Variants in CPQ observed in about 807,000 individuals in gnomAD.
CPQ encodes Ser-Met dipeptidase.
A neutral mutation model predicts 45.7 loss-of-function variants in CPQ; 37 were observed. The ratio of observed to expected loss-of-function variants is 0.81; its 90% CI spans 0.62 to 1.07. The LOEUF (loss-of-function observed/expected upper bound fraction) is 1.07, where lower values mean the gene tolerates loss of function less well. Among genes scored for constraint, CPQ ranks in the 50% least tolerant of loss-of-function variants. The probability of loss-of-function intolerance (pLI) is 0.00; values close to 1 mark genes in which losing one functional copy is unlikely to be tolerated. For missense variants in CPQ, 537 were observed against 572.9 expected, an observed-to-expected ratio of 0.94 and a Z score of 0.64; for synonymous variants, 186 against 205.8, an observed-to-expected ratio of 0.90 and a Z score of 0.82.
intron 7 of CPQ, among the ~76,000 whole-genome samples, chr8:97,104,462 T>C (rs1344518672): frequency 1.3e-5 from 2 of 152,176 alleles, no homozygotes; most frequent in Non-Finnish European, 2.9e-5. Context: ...TGATGAAGTT[T>C]TGAGGTAAGA....
chr8:97,040,798 A>G (rs932997226), intron 6 of CPQ, among the ~76,000 whole-genome samples: 2 of 152,148 alleles, frequency 1.3e-5, no homozygotes, highest in African/African-American at 4.8e-5. Context: ...AGTTGAAGAT[A>G]CGTGGCATTA....
chr8:96,706,520 T>C (rs1017033501), intron 1 of CPQ, among the ~76,000 whole-genome samples: 5 of 152,130 alleles, frequency 3.3e-5, no homozygotes, highest in South Asian at 4.1e-4. Context: ...TCAGCGAATT[T>C]CACTGATTTC....
intron 5 of CPQ, among the ~76,000 whole-genome samples, chr8:96,994,824 A>G (rs1809151413): frequency 6.6e-6 from 1 of 152,054 alleles, no homozygotes. Context: ...ACATCGACCT[A>G]TTAATAACAT....
At chr8:96,680,181 T>G (rs1266217007) in intron 1 of CPQ, among the ~76,000 whole-genome samples, 1 of 152,216 alleles carries the variant, frequency 6.6e-6, no homozygotes, top group African/African-American at 2.4e-5. Context: ...GATGCAATAG[T>G]CATTCAGGGG....
At chr8:96,776,120 A>G (rs1363700978) in intron 1 of CPQ, among the ~76,000 whole-genome samples, 1 of 152,226 alleles carries the variant, frequency 6.6e-6, no homozygotes, top group African/African-American at 2.4e-5. Context: ...AATAACTGGA[A>G]TGTAAGCTAT....
chr8:96,954,536 A>C (rs974066175), intron 4 of CPQ, among the ~76,000 whole-genome samples: 61 of 152,138 alleles, frequency 4.0e-4, no homozygotes, highest in Non-Finnish European at 1.0e-4. Flanking sequence ...CAACTAAACT[A>C]TTCATTCTCC....
chr8:97,040,424 T>A (rs866472793), intron 6 of CPQ, among the ~76,000 whole-genome samples: 4 of 151,474 alleles, frequency 2.6e-5, no homozygotes, highest in Non-Finnish European at 5.9e-5. Context: ...TTTCTCCCAT[T>A]TTGTAGGTTG....
intron 1 of CPQ, among the ~76,000 whole-genome samples, chr8:96,718,247 T>G (rs1482589866): frequency 6.6e-6 from 1 of 152,148 alleles, no homozygotes; most frequent in African/African-American, 2.4e-5. Context: ...CCGGAATTGG[T>G]GGGTTCTTGG....
chr8:96,835,838 T>G (rs1284285434), intron 3 of CPQ, among the ~76,000 whole-genome samples: 1 of 152,226 alleles, frequency 6.6e-6, no homozygotes. Flanking sequence ...AAGGTCCATA[T>G]AAATATTTGG....
intron 7 of CPQ, among the ~76,000 whole-genome samples, chr8:97,091,200 A>T (rs1444615487): frequency 1.3e-5 from 2 of 152,230 alleles, no homozygotes; most frequent in Non-Finnish European, 2.9e-5. Flanking sequence ...AACTGTGTCT[A>T]CAGGGACAGA....
At chr8:97,068,700 A>G (rs1810683955) in intron 7 of CPQ, among the ~76,000 whole-genome samples, 1 of 152,206 alleles carries the variant, frequency 6.6e-6, no homozygotes, top group African/African-American at 2.4e-5. Context: ...AATGTGTAGG[A>G]AGTACCTAGG....
In CPQ at chr8:96,784,729, C is replaced by T. The variant is rs147182085; in HGVS notation, c.-34-135C>T. The T allele has an allele frequency of 4.8e-6, 3 of 630,496 alleles. No individual in the cohort carries two copies. The East Asian group carries it at 8.4e-5, about 18-fold the overall frequency. 39.1% of individuals were successfully genotyped at this position (630,496 alleles called of 1,614,324 possible). A position where few individuals can be genotyped will look rare whatever the true frequency, so the allele number is the denominator to read the frequency against. ...TTGTTCATTCCTCAGAGTAACAGTG[C>T]CTGAATTTGATGGTGGATGTTGGGC... On this transcript the variant is annotated intron_variant, in intron 1 of 7. Coordinates refer to ENST00000220763, the MANE Select transcript of CPQ (RefSeq NM_016134.4).
At chr8:96,932,286 T>C (rs757312799) in intron 4 of CPQ, among the ~76,000 whole-genome samples, 1 of 152,218 alleles carries the variant, frequency 6.6e-6, no homozygotes, top group Non-Finnish European at 1.5e-5. Flanking sequence ...AAAGTTTGTA[T>C]ATATTATTCC....
chr8:96,742,236 T>C (rs1474645303), intron 1 of CPQ, among the ~76,000 whole-genome samples: 1 of 152,216 alleles, frequency 6.6e-6, no homozygotes, highest in Non-Finnish European at 1.5e-5. Context: ...GTAATGTCCT[T>C]CTTTGTCTCT....
intron 2 of CPQ, among the ~76,000 whole-genome samples, chr8:96,811,626 T>C (rs1811162682): frequency 1.3e-5 from 2 of 152,152 alleles, no homozygotes; most frequent in Admixed American, 1.3e-4. Context: ...ACAAAAAAAC[T>C]CTATGTTATA....
At chr8:97,028,214 A>G (rs1801988024) in intron 5 of CPQ, among the ~76,000 whole-genome samples, 1 of 152,252 alleles carries the variant, frequency 6.6e-6, no homozygotes, top group South Asian at 2.1e-4. Context: ...ATTTCATGAA[A>G]AACTGTAGCT....
At chr8:96,830,190 C>G (rs1443030042) in intron 2 of CPQ, among the ~76,000 whole-genome samples, 1 of 152,162 alleles carries the variant, frequency 6.6e-6, no homozygotes, top group East Asian at 1.9e-4. Context: ...GAGGTGAAGA[C>G]TTCTGAAATC....
chr8:97,118,140 C>T (rs2130602530), intron 7 of CPQ, among the ~76,000 whole-genome samples: 1 of 152,174 alleles, frequency 6.6e-6, no homozygotes, highest in South Asian at 2.1e-4. Flanking sequence ...ATTGAGGTAC[C>T]TTTTGGTACA....
chr8:97,092,926 A>C (rs1811149459), intron 7 of CPQ: 2 of 152,192 alleles, frequency 1.3e-5, no homozygotes, highest in South Asian at 2.1e-4. Flanking sequence ...TATCTGACAA[A>C]GGTCTAATAT....
Sources: gnomAD v4.1 joint callset for allele counts (sites outside exome capture counted in the v4.1 genomes callset) on GRCh38, gnomAD v4.1.1 for gene constraint, MANE v1.5 for transcripts, NCBI Gene and HGNC (gene_info 2026-07-23, HGNC 2026-07-21) for gene names.